The following ZRANB3 variants were observed in gnomAD, a reference collection of about 807,000 sequenced individuals.
The protein encoded by ZRANB3 is DNA annealing helicase and endonuclease ZRANB3.
A neutral mutation model predicts 133.8 loss-of-function variants in ZRANB3; 125 were observed. That is an observed-to-expected ratio of 0.93 (90% CI 0.81 to 1.08). The LOEUF (loss-of-function observed/expected upper bound fraction) is 1.08, where lower values mean the gene tolerates loss of function less well. ZRANB3 is among the 50% of genes least tolerant of loss of function. The pLI, the probability that ZRANB3 is intolerant of heterozygous loss-of-function variation, is 0.00. For missense variants in ZRANB3, 1,229 were observed against 1,275.5 expected (o/e 0.96, Z 0.56); for synonymous variants, 387 against 432.7 (o/e 0.89, Z 1.31).
chr2:135,340,462 T>C (rs1407720999), intron 6 of ZRANB3, among the ~76,000 whole-genome samples: 1 of 152,178 alleles, frequency 6.6e-6, no homozygotes, highest in Admixed American at 6.5e-5. Context: ...TGCTTATTTA[T>C]TTTTTCAAAT....
chr2:135,283,353 G>C (rs1451742231), intron 8 of ZRANB3, among the ~76,000 whole-genome samples: 1 of 150,980 alleles, frequency 6.6e-6, no homozygotes, highest in Non-Finnish European at 1.5e-5. Context: ...GCTCACGCCT[G>C]TAATCCCAGC....
intron 2 of ZRANB3, among the ~76,000 whole-genome samples, chr2:135,429,651 C>T (rs1689234395): frequency 6.6e-6 from 1 of 151,990 alleles, no homozygotes. Flanking sequence ...AATTTTTCAT[C>T]TTCCATATTG....
In ZRANB3 at chr2:135,353,443, T is replaced by C. The variant is rs578035343; in HGVS notation, c.359+7A>G. ...TTTCTCCTTAAATATTAAACAGTTG[T>C]TCTTACCTAACATCAGTTTTATTCT... On this transcript the variant is annotated splice_region_variant and intron_variant, in intron 4 of 20. Coordinates refer to ENST00000264159, the MANE Select transcript of ZRANB3 (RefSeq NM_032143.4). 1.3e-6 allele frequency: 2 copies of C among 1,565,628 alleles called. No individual in the cohort carries two copies. Among genetic ancestry groups the C allele is most frequent in the African/African-American group, 2.7e-5 (2 of 72,876 alleles).
intron 2 of ZRANB3, among the ~76,000 whole-genome samples, chr2:135,412,537 T>A (rs541938274): frequency 3.9e-4 from 60 of 152,296 alleles, no homozygotes; most frequent in African/African-American, 1.4e-3. Context: ...AATATTATTA[T>A]CTAATTAAGC....
At chr2:135,307,634 T>C (rs1251112717) in intron 8 of ZRANB3, among the ~76,000 whole-genome samples, 2 of 152,244 alleles carry the variant, frequency 1.3e-5, no homozygotes, top group African/African-American at 4.8e-5. Flanking sequence ...ATGGTTGTTT[T>C]TTTAAATGTC....
In ZRANB3 at chr2:135,200,287, T is replaced by C. The variant is rs1202316030; in HGVS notation, c.*55A>G. On this transcript the variant is annotated 3_prime_UTR_variant, in exon 21 of 21. Coordinates refer to ENST00000264159, the MANE Select transcript of ZRANB3 (RefSeq NM_032143.4). Reference sequence around the variant, plus strand: ...ATTAAACAAACATGGAAAACTTCTGTATTAAAGTCTTCCACATGTAAACCA... The same window carrying C: ...ATTAAACAAACATGGAAAACTTCTGCATTAAAGTCTTCCACATGTAAACCA... 1.4e-6 allele frequency: 2 copies of C among 1,414,050 alleles called. No homozygotes were observed. Among genetic ancestry groups the C allele is most frequent in the African/African-American group, 2.8e-5 (2 of 70,198 alleles). The allele number at this position is 1,414,050 out of a possible 1,614,324, so 87.6% of individuals were successfully genotyped here. A position where few individuals can be genotyped will look rare whatever the true frequency, so the allele number is the denominator to read the frequency against.
chr2:135,375,520 CT>C (rs1686382621), intron 3 of ZRANB3, among the ~76,000 whole-genome samples: 1 of 152,108 alleles, frequency 6.6e-6, no homozygotes, highest in South Asian at 2.1e-4. Context: ...CCCGTCTCTA[CT>C]AAAAATACAA....
chr2:135,511,092 G>C (rs147436473), intron 1 of ZRANB3: 11 of 768,660 alleles, frequency 1.4e-5, no homozygotes, highest in African/African-American at 1.4e-4. Flanking sequence ...CTTAGACTCT[G>C]TACAGGGCTG....
At chr2:135,257,089 T>C (rs1679695654) in intron 12 of ZRANB3, among the ~76,000 whole-genome samples, 1 of 152,222 alleles carries the variant, frequency 6.6e-6, no homozygotes, top group African/African-American at 2.4e-5. Context: ...TCATGACTAA[T>C]CTACCCCTTG....
At chr2:135,484,053 A>C (rs1691975290) in intron 2 of ZRANB3, among the ~76,000 whole-genome samples, 3 of 152,120 alleles carry the variant, frequency 2.0e-5, no homozygotes, top group Admixed American at 2.0e-4. Context: ...ATTTTGGAAT[A>C]GGTGTGGTGT....
intron 6 of ZRANB3, among the ~76,000 whole-genome samples, chr2:135,329,916 C>T (rs1464385050): frequency 6.6e-6 from 1 of 152,178 alleles, no homozygotes; most frequent in African/African-American, 2.4e-5. Context: ...TATTGTGAGA[C>T]TTTGCTGAAG....
At chr2:135,377,249 T>A (rs1013596622) in intron 3 of ZRANB3, among the ~76,000 whole-genome samples, 4 of 152,194 alleles carry the variant, frequency 2.6e-5, no homozygotes, top group African/African-American at 9.6e-5. Context: ...CTTCACACCC[T>A]GCTATACATG....
At chr2:135,478,492 T>G (rs77296912) in intron 2 of ZRANB3, among the ~76,000 whole-genome samples, 1 of 152,282 alleles carries the variant, frequency 6.6e-6, no homozygotes, top group Non-Finnish European at 1.5e-5. Flanking sequence ...AATATGTTAT[T>G]TATATTTCAC....
intron 12 of ZRANB3, among the ~76,000 whole-genome samples, chr2:135,236,676 CA>C (rs1183718725): frequency 1.3e-5 from 2 of 152,116 alleles, no homozygotes; most frequent in Non-Finnish European, 2.9e-5. Context: ...CTGAGAAAAA[CA>C]AGCAATGGGG....
intron 1 of ZRANB3, chr2:135,511,824 A>G (rs1028965408): frequency 2.6e-6 from 2 of 761,300 alleles, no homozygotes; most frequent in African/African-American, 3.4e-5. Context: ...CCCCATGGAC[A>G]TAAGAAGAGT....
chr2:135,322,038 C>T (rs1573907168), intron 6 of ZRANB3, among the ~76,000 whole-genome samples: 1 of 152,126 alleles, frequency 6.6e-6, no homozygotes, highest in Non-Finnish European at 1.5e-5. Flanking sequence ...ATCCATTTAT[C>T]ATTAAATTTT....
chr2:135,440,284 G>A (rs1393007841), intron 2 of ZRANB3, among the ~76,000 whole-genome samples: 2 of 151,970 alleles, frequency 1.3e-5, no homozygotes, highest in East Asian at 1.9e-4. Flanking sequence ...CCAATATGGT[G>A]AAACCCCATC....
At chr2:135,334,945 T>A (rs1684305114) in intron 6 of ZRANB3, among the ~76,000 whole-genome samples, 1 of 152,114 alleles carries the variant, frequency 6.6e-6, no homozygotes, top group African/African-American at 2.4e-5. Flanking sequence ...AATTTAATTT[T>A]AAGTTCCAGG....
At chr2:135,308,968 T>C (rs1465480130) in intron 8 of ZRANB3, among the ~76,000 whole-genome samples, 2 of 151,024 alleles carry the variant, frequency 1.3e-5, no homozygotes, top group Non-Finnish European at 2.9e-5. Context: ...TAAAAAAACT[T>C]AGTAATAACA....
Sources: gnomAD v4.1 joint callset for allele counts (sites outside exome capture counted in the v4.1 genomes callset) on GRCh38, gnomAD v4.1.1 for gene constraint, MANE v1.5 for transcripts, NCBI Gene and HGNC (gene_info 2026-07-23, HGNC 2026-07-21) for gene names.